The following NALCN variants were observed in gnomAD, a reference collection of about 807,000 sequenced individuals.
NALCN encodes sodium leak channel NALCN.
NALCN carries 111 observed loss-of-function variants against 225.3 expected under a neutral mutation model. The ratio of observed to expected loss-of-function variants is 0.49; its 90% CI spans 0.42 to 0.58. NALCN has a LOEUF of 0.58. Ranked by LOEUF, NALCN falls within the 20% of genes least tolerant of loss-of-function variation. The pLI is 0.00. For synonymous variants in NALCN, 764 were observed against 769.0 expected, an observed-to-expected ratio of 0.99 and a Z score of 0.11; for missense variants, 1,378 against 2,202.4, an observed-to-expected ratio of 0.63 and a Z score of 7.49.
At chr13:101,231,070 A>C (rs900744084) in intron 12 of NALCN, among the ~76,000 whole-genome samples, 5 of 152,200 alleles carry the variant, frequency 3.3e-5, no homozygotes, top group African/African-American at 1.2e-4. Context: ...CATATAGCCT[A>C]GGTATATAGT....
At chr13:101,138,173 C>T (rs1286564841) in intron 17 of NALCN, among the ~76,000 whole-genome samples, 1 of 152,198 alleles carries the variant, frequency 6.6e-6, no homozygotes, top group Non-Finnish European at 1.5e-5. Context: ...TCCCATTGGA[C>T]TATGAGCTTC....
intron 10 of NALCN, among the ~76,000 whole-genome samples, chr13:101,282,738 G>T (rs1439619111): frequency 1.3e-5 from 2 of 152,132 alleles, no homozygotes; most frequent in Admixed American, 6.5e-5. Context: ...GTTTTACACT[G>T]TGTACATATA....
At chr13:101,140,686 T>C (rs551371978) in intron 17 of NALCN, among the ~76,000 whole-genome samples, 1 of 152,362 alleles carries the variant, frequency 6.6e-6, no homozygotes, top group African/African-American at 2.4e-5. Context: ...CACTGACATA[T>C]GACCTTCTGC....
intron 14 of NALCN, among the ~76,000 whole-genome samples, chr13:101,186,225 T>C (rs1265634088): frequency 6.6e-6 from 1 of 152,228 alleles, no homozygotes; most frequent in Non-Finnish European, 1.5e-5. Flanking sequence ...AATGTACACA[T>C]GCCTCTCTTA....
intron 10 of NALCN, among the ~76,000 whole-genome samples, chr13:101,266,233 T>C (rs944627512): frequency 6.6e-6 from 1 of 152,186 alleles, no homozygotes; most frequent in South Asian, 2.1e-4. Context: ...GATTTGAAAG[T>C]AGAGATGCAG....
At chr13:101,237,263 G>A (rs1020655671) in intron 12 of NALCN, among the ~76,000 whole-genome samples, 2 of 151,976 alleles carry the variant, frequency 1.3e-5, no homozygotes, top group Admixed American at 1.3e-4. Flanking sequence ...AAATAATACT[G>A]TATGAGTAAT....
intron 3 of NALCN, among the ~76,000 whole-genome samples, chr13:101,393,624 A>C (rs1430559109): frequency 6.6e-6 from 1 of 152,186 alleles, no homozygotes. Context: ...CAAGACCAAC[A>C]TGGAGAAGCC....
In NALCN at chr13:101,098,211, C is replaced by A. The variant is rs1033398907; in HGVS notation, c.3163-2531G>T. ...CCAGTACAGTACTCCCAGTTGGAAG[C>A]ACAATTTCCCATGCTGACATCATAG... On this transcript the variant is annotated intron_variant, in intron 27 of 43. Transcript: ENST00000251127. Among the ~76,000 whole-genome samples, 6 of 152,268 alleles carry A rather than the reference C, an allele frequency of 3.9e-5. No individual in the cohort carries two copies. The East Asian group carries it at 9.7e-4, about 25-fold the overall frequency.
intron 14 of NALCN, among the ~76,000 whole-genome samples, chr13:101,184,028 T>A (rs1208858579): frequency 6.6e-6 from 1 of 152,244 alleles, no homozygotes; most frequent in Non-Finnish European, 1.5e-5. Flanking sequence ...GCATTTGTCC[T>A]ACTGTGTAAT....
intron 10 of NALCN, among the ~76,000 whole-genome samples, chr13:101,270,677 TACATTTTAG>T (rs1472477362): frequency 6.6e-6 from 1 of 152,230 alleles, no homozygotes. Flanking sequence ...CAAAGTGACT[TACATTTTAG>T]ATTATGTCTA....
At chr13:101,254,417 A>T (rs1460416862) in intron 11 of NALCN, among the ~76,000 whole-genome samples, 2 of 151,576 alleles carry the variant, frequency 1.3e-5, no homozygotes, top group South Asian at 4.2e-4. Flanking sequence ...CAACAAAAAA[A>T]CCCCAAAACC....
At chr13:101,217,064 G>A (rs9284188) in intron 13 of NALCN, among the ~76,000 whole-genome samples, 95,547 of 151,950 alleles carry the variant, frequency 0.63, 31,038 homozygotes, top group African/African-American at 0.8. Flanking sequence ...AGGAATAAAG[G>A]TACAGAGCTG....
chr13:101,191,859 T>C, intron 14 of NALCN, 58 bp downstream of exon 14: 1 of 1,552,952 alleles, frequency 6.4e-7, no homozygotes, highest in Non-Finnish European at 8.7e-7. Context: ...AAATATCTGT[T>C]GATGTTCATC....
intron 6 of NALCN, among the ~76,000 whole-genome samples, chr13:101,372,393 A>C (rs2046565480): frequency 6.6e-6 from 1 of 152,176 alleles, no homozygotes; most frequent in Non-Finnish European, 1.5e-5. Flanking sequence ...TGCAGATTTC[A>C]CTTTTTTCTT....
intron 6 of NALCN, among the ~76,000 whole-genome samples, chr13:101,347,552 A>G (rs546757905): frequency 2.2e-4 from 34 of 152,202 alleles, no homozygotes; most frequent in Non-Finnish European, 4.6e-4. Flanking sequence ...TGTGTGGTAC[A>G]AATACTATGA....
intron 1 of NALCN, among the ~76,000 whole-genome samples, chr13:101,404,589 T>C (rs73566024): frequency 0.04 from 6,114 of 152,314 alleles, 228 homozygotes; most frequent in East Asian, 0.11. Context: ...TATGGTCTCT[T>C]GTGGAATTTT....
At chr13:101,229,610 T>C (rs1594483747) in intron 12 of NALCN, 26 bp from the exon 13 acceptor site, 1 of 1,508,824 alleles carries the variant, frequency 6.6e-7, no homozygotes, top group Non-Finnish European at 8.9e-7. Flanking sequence ...GAAACATTTA[T>C]TTACACATAT....
intron 39 of NALCN, among the ~76,000 whole-genome samples, chr13:101,067,241 G>A (rs1288677013): frequency 7.9e-6 from 1 of 127,258 alleles, no homozygotes. Context: ...GAGGAGGTAG[G>A]GGGGAAGATG....
chr13:101,301,274 T>C (rs534372561), intron 7 of NALCN, among the ~76,000 whole-genome samples: 13 of 152,298 alleles, frequency 8.5e-5, no homozygotes, highest in Admixed American at 6.5e-4. Flanking sequence ...CTGCGCCCCC[T>C]GCGCTCGGCA....
Sources: allele counts gnomAD v4.1 joint callset (sites outside exome capture counted in the v4.1 genomes callset), GRCh38; gene constraint gnomAD v4.1.1; transcripts MANE v1.5; gene names NCBI Gene and HGNC (gene_info 2026-07-23, HGNC 2026-07-21).